The following MCTP2 variants were observed in gnomAD, a reference collection of about 807,000 sequenced individuals.
MCTP2 encodes the protein multiple C2 and transmembrane domain containing 2.
MCTP2 carries 132 observed loss-of-function variants against 111.6 expected under a neutral mutation model. The observed-to-expected ratio is 1.18, with a 90% CI of 1.03 to 1.37. The LOEUF is 1.37. Among genes scored for constraint, MCTP2 ranks in the 40% most tolerant of loss-of-function variants. The pLI is 0.00. For synonymous variants in MCTP2, 395 were observed against 387.7 expected (o/e 1.02, Z -0.22); for missense variants, 1,183 against 1,067.9 (o/e 1.11, Z -1.50).
chr15:94,356,349 A>G, intron 9 of MCTP2, 48 bp downstream of exon 9: 1 of 1,441,838 alleles, frequency 6.9e-7, no homozygotes, highest in South Asian at 1.5e-5. Flanking sequence ...TAAAATAAAA[A>G]AAAATTAAAA....
intron 1 of MCTP2, among the ~76,000 whole-genome samples, chr15:94,267,865 C>CTTTT (rs2073638005): frequency 1.1e-4 from 2 of 18,292 alleles, no homozygotes; most frequent in Admixed American, 4.8e-4. Context: ...CTTTCCTTTT[C>CTTTT]TTTCTTTTTT....
At chr15:94,294,754 A>C (rs1220813874) in intron 1 of MCTP2, among the ~76,000 whole-genome samples, 2 of 152,100 alleles carry the variant, frequency 1.3e-5, no homozygotes, top group Non-Finnish European at 2.9e-5. Flanking sequence ...ATTTCCCTCA[A>C]AGGGGAATGT....
intron 20 of MCTP2, among the ~76,000 whole-genome samples, chr15:94,460,485 C>A (rs2085117070): frequency 1.3e-5 from 2 of 152,126 alleles, no homozygotes. Flanking sequence ...GAAGAAAGTT[C>A]AGTGAGGCAC....
intron 17 of MCTP2, among the ~76,000 whole-genome samples, chr15:94,438,508 C>T (rs2083600315): frequency 6.6e-6 from 1 of 152,080 alleles, no homozygotes; most frequent in South Asian, 2.1e-4. Flanking sequence ...GAAGGAGTTT[C>T]TCCCAGAAAT....
At chr15:94,263,704 A>G (rs74850455) in intron 1 of MCTP2, among the ~76,000 whole-genome samples, 8,514 of 152,318 alleles carry the variant, frequency 0.056, 289 homozygotes, top group African/African-American at 0.07. Flanking sequence ...AAGAAGAGTT[A>G]CAGTTTGAGA....
chr15:94,430,763 A>G (rs2083141787), intron 17 of MCTP2, among the ~76,000 whole-genome samples: 1 of 151,638 alleles, frequency 6.6e-6, no homozygotes, highest in Non-Finnish European at 1.5e-5. Context: ...AAAATAAAAA[A>G]TAAAAAAATA....
At chr15:94,263,772 G>A (rs907573012) in intron 1 of MCTP2, among the ~76,000 whole-genome samples, 10 of 152,236 alleles carry the variant, frequency 6.6e-5, no homozygotes, top group Non-Finnish European at 1.0e-4. Flanking sequence ...TATGCATGTA[G>A]AGTGATTCAC....
At chr15:94,389,409 A>G (rs2080731846) in intron 14 of MCTP2, among the ~76,000 whole-genome samples, 1 of 152,042 alleles carries the variant, frequency 6.6e-6, no homozygotes, top group African/African-American at 2.4e-5. Flanking sequence ...GCCACTGAAG[A>G]TTTTTGACCT....
chr15:94,244,304 T>G (rs1431869797), intron 1 of MCTP2, among the ~76,000 whole-genome samples: 1 of 147,996 alleles, frequency 6.8e-6, no homozygotes, highest in African/African-American at 2.5e-5. Flanking sequence ...GTGTATATAT[T>G]TATATACACA....
chr15:94,356,078 C>A, intron 8 of MCTP2, 59 bp from the exon 9 acceptor site: 1 of 1,402,322 alleles, frequency 7.1e-7, no homozygotes, highest in Non-Finnish European at 9.3e-7. Flanking sequence ...CTATGATCAT[C>A]AAAGTCACTC....
At chr15:94,336,543 A>G (rs1290780713) in intron 4 of MCTP2, among the ~76,000 whole-genome samples, 1 of 152,262 alleles carries the variant, frequency 6.6e-6, no homozygotes, top group South Asian at 2.1e-4. Context: ...GACAGATGCA[A>G]CATCGAGGCA....
At chr15:94,276,140 G>A (rs765360316) in intron 1 of MCTP2, among the ~76,000 whole-genome samples, 3 of 152,032 alleles carry the variant, frequency 2.0e-5, no homozygotes, top group Non-Finnish European at 4.4e-5. Context: ...CACCGTGCCT[G>A]GCCTTTATAA....
intron 17 of MCTP2, among the ~76,000 whole-genome samples, chr15:94,425,893 C>G (rs1225117989): frequency 2.0e-5 from 3 of 152,078 alleles, no homozygotes; most frequent in Non-Finnish European, 4.4e-5. Context: ...AAAGCTAAAC[C>G]TAAGGCTCAG....
intron 5 of MCTP2, 61 bp downstream of exon 5, chr15:94,339,493 A>G (rs183454954): frequency 8.4e-6 from 12 of 1,434,496 alleles, no homozygotes; most frequent in South Asian, 6.1e-5. Flanking sequence ...GCAGTTTCTC[A>G]TGTCCTCTTA....
Position 94,328,444 on chromosome 15 carries a change from C to T in MCTP2, c.638-10846C>T, listed in dbSNP as rs117687504. ...CGCCCGGCCTATCAAGTGTTTATTT[C>T]TATACCACGATGATACTTGCTGTGT... On this transcript the variant is annotated intron_variant, in intron 4 of 22. Coordinates refer to ENST00000357742, the MANE Select transcript of MCTP2 (RefSeq NM_001385001.1). Among the ~76,000 whole-genome samples the T allele has an allele frequency of 6.6e-3, 1,007 of 152,212 alleles. 9 individuals carry two copies. Among genetic ancestry groups the T allele is most frequent in the Middle Eastern group, 0.048 (14 of 294 alleles).
At chr15:94,324,018 T>TTAAA (rs1441263203) in intron 4 of MCTP2, among the ~76,000 whole-genome samples, 1 of 152,214 alleles carries the variant, frequency 6.6e-6, no homozygotes, top group Non-Finnish European at 1.5e-5. Flanking sequence ...TCTGAGTAGC[T>TTAAA]CTTGGCTGTC....
intron 1 of MCTP2, among the ~76,000 whole-genome samples, chr15:94,280,884 G>A (rs2074446626): frequency 6.6e-6 from 1 of 152,102 alleles, no homozygotes; most frequent in Non-Finnish European, 1.5e-5. Flanking sequence ...TAATTTCCAT[G>A]TTATTGTGTG....
intron 1 of MCTP2, among the ~76,000 whole-genome samples, chr15:94,232,567 A>G (rs1183916605): frequency 6.6e-6 from 1 of 152,208 alleles, no homozygotes; most frequent in Non-Finnish European, 1.5e-5. Context: ...ATTTCAATTC[A>G]ACAAATATTT....
chr15:94,274,600 T>C (rs1433336769), intron 1 of MCTP2, among the ~76,000 whole-genome samples: 1 of 152,022 alleles, frequency 6.6e-6, no homozygotes, highest in Non-Finnish European at 1.5e-5. Context: ...TCTAGTCCAA[T>C]AAGCTAAATA....
Sources: gnomAD v4.1 joint callset for allele counts (sites outside exome capture counted in the v4.1 genomes callset) on GRCh38, gnomAD v4.1.1 for gene constraint, MANE v1.5 for transcripts, NCBI Gene and HGNC (gene_info 2026-07-23, HGNC 2026-07-21) for gene names.